Variants in MACROD2 observed in about 807,000 individuals in gnomAD.
MACROD2 encodes ADP-ribose glycohydrolase MACROD2.
Under a neutral mutation model 70.4 loss-of-function variants are expected in MACROD2, and 36 were observed. The observed-to-expected ratio is 0.51, with a 90% CI of 0.39 to 0.68. The LOEUF (loss-of-function observed/expected upper bound fraction) is 0.68. MACROD2 is among the 30% of genes least tolerant of loss of function. MACROD2 has a pLI of 0.00. For missense variants in MACROD2, 496 were observed against 538.4 expected (o/e 0.92, Z 0.78); for synonymous variants, 172 against 178.8 (o/e 0.96, Z 0.30).
intron 5 of MACROD2, among the ~76,000 whole-genome samples, chr20:15,191,978 T>G (rs2076574603): frequency 6.6e-6 from 1 of 151,952 alleles, no homozygotes; most frequent in African/African-American, 2.4e-5. Flanking sequence ...TATAGTTAAA[T>G]AAATTATATA....
In MACROD2 at chr20:14,657,456, A is replaced by G. The variant is rs368804388; in HGVS notation, c.302-27387A>G. 2.9e-4 allele frequency among the ~76,000 whole-genome samples: 44 copies of G among 152,360 alleles called. 1 individual carries two copies. In the South Asian group the frequency reaches 8.7e-3, roughly 30 times the overall value. On this transcript the variant is annotated intron_variant, in intron 4 of 17. Transcript: ENST00000684519. ...AGAGTGAAGCACTGCAGGGCTATGC[A>G]TGGAAAAATACCAGCCAGAACTGTT...
chr20:15,356,860 A>G (rs2078293144), intron 6 of MACROD2, among the ~76,000 whole-genome samples: 1 of 152,268 alleles, frequency 6.6e-6, no homozygotes, highest in Non-Finnish European at 1.5e-5. Flanking sequence ...GTAGCCAAAT[A>G]CTGTTAATTC....
At chr20:14,178,113 T>C (rs924727903) in intron 3 of MACROD2, among the ~76,000 whole-genome samples, 1 of 152,000 alleles carries the variant, frequency 6.6e-6, no homozygotes, top group African/African-American at 2.4e-5. Flanking sequence ...AAGGCTGATA[T>C]CTCTAATACA....
At position 15,822,227 on chromosome 20, in the gene MACROD2, C is replaced by CTTTG. The variant is rs199608129; in HGVS notation, c.646-40517_646-40516insTTGT. 2.6e-5 allele frequency among the ~76,000 whole-genome samples: 4 copies of CTTTG among 152,184 alleles called. No individual in the cohort carries two copies. The East Asian group carries it at 7.7e-4, about 29-fold the overall frequency. ...CAGGGAAAATAATCCAGCTTGAATC[C>CTTTG]TGGGATCTATTCTTGTACCTTTGTG... is the stretch of plus-strand genomic sequence containing the variant. On this transcript the variant is annotated intron_variant, in intron 8 of 17. Coordinates refer to ENST00000684519, the MANE Select transcript of MACROD2 (RefSeq NM_001351661.2).
In MACROD2 at chr20:15,045,901, C is replaced by T. The variant is rs143437019; in HGVS notation, c.419-184039C>T. Among the ~76,000 whole-genome samples the T allele has an allele frequency of 5.0e-3, 754 of 152,032 alleles. 11 individuals carry two copies. The highest frequency in any genetic ancestry group is 0.017 in the African/African-American group (717 of 41,490). On this transcript the variant is annotated intron_variant, in intron 5 of 17. Coordinates refer to ENST00000684519, the MANE Select transcript of MACROD2 (RefSeq NM_001351661.2). ...CCATCCGAACAGGAGAGCAGTATTT[C>T]TGAGGGTGTTCTGCTGGCTCGCCTC...
intron 6 of MACROD2, among the ~76,000 whole-genome samples, chr20:15,422,133 G>A (rs1489792340): frequency 2.6e-5 from 4 of 152,204 alleles, no homozygotes; most frequent in African/African-American, 7.2e-5. Context: ...CTAAGGAAGC[G>A]AGGATTGGAG....
intron 8 of MACROD2, among the ~76,000 whole-genome samples, chr20:15,804,187 T>C (rs190016857): frequency 6.6e-6 from 1 of 152,222 alleles, no homozygotes; most frequent in African/African-American, 2.4e-5. Context: ...CTTCTTAAAG[T>C]TGGCATTTGA....
At chr20:14,198,452 A>G (rs2081451821) in intron 3 of MACROD2, among the ~76,000 whole-genome samples, 1 of 152,236 alleles carries the variant, frequency 6.6e-6, no homozygotes, top group African/African-American at 2.4e-5. Flanking sequence ...TAATTTCTGT[A>G]TCAATCACTG....
chr20:14,936,171 A>C (rs567443547), intron 5 of MACROD2, among the ~76,000 whole-genome samples: 2 of 152,288 alleles, frequency 1.3e-5, no homozygotes, highest in Admixed American at 1.3e-4. Context: ...GCATGGAGAC[A>C]ATTGCAGGGA....
At chr20:14,748,576 A>G (rs2071829556) in intron 5 of MACROD2, among the ~76,000 whole-genome samples, 1 of 152,128 alleles carries the variant, frequency 6.6e-6, no homozygotes, top group Non-Finnish European at 1.5e-5. Context: ...GAGAAGATGT[A>G]GAGAACTGTT....
At chr20:15,530,716 C>CAAAAAA (rs57826871) in intron 8 of MACROD2, among the ~76,000 whole-genome samples, 28 of 90,434 alleles carry the variant, frequency 3.1e-4, no homozygotes, top group East Asian at 1.7e-3. Context: ...CTCCATCTCA[C>CAAAAAA]AAAAAAAAAA....
chr20:14,976,624 C>T (rs886392464), intron 5 of MACROD2, among the ~76,000 whole-genome samples: 1 of 152,114 alleles, frequency 6.6e-6, no homozygotes, highest in South Asian at 2.1e-4. Context: ...TACTTGGGGG[C>T]TATTTTTAGC....
intron 5 of MACROD2, among the ~76,000 whole-genome samples, chr20:14,940,810 G>T (rs2074383543): frequency 6.6e-6 from 1 of 152,022 alleles, no homozygotes; most frequent in Admixed American, 6.6e-5. Context: ...ATTCTGTTGA[G>T]AATTTTTGTA....
Position 14,290,728 on chromosome 20 carries a change from C to T in MACROD2, c.272-202751C>T, listed in dbSNP as rs566909463. On this transcript the variant is annotated intron_variant, in intron 3 of 17. Transcript: ENST00000684519. ...TTCTCCATGTTGGTCAGCCTGGTCT[C>T]GAACTCCCGACCTCAGTTGATCCAC... Among the ~76,000 whole-genome samples, 78 of 152,168 alleles carry T rather than the reference C, an allele frequency of 5.1e-4. 1 individual carries two copies. The highest frequency in any genetic ancestry group is 7.9e-4 in the Admixed American group (12 of 15,274).
intron 5 of MACROD2, among the ~76,000 whole-genome samples, chr20:14,909,077 G>A (rs2073994648): frequency 6.6e-6 from 1 of 152,140 alleles, no homozygotes; most frequent in Non-Finnish European, 1.5e-5. Context: ...TATAGAGATG[G>A]GAGATTTAAT....
rs146264507 is a variant in MACROD2 at position 14,387,254 on chromosome 20, C to T, written c.272-106225C>T. On this transcript the variant is annotated intron_variant, in intron 3 of 17. Transcript: ENST00000684519. ...TTGTAATTTTTTGTTGAGAACTGGA[C>T]ATTTTGAGTATCATAATGTAGTAAG... Among the ~76,000 whole-genome samples the T allele has an allele frequency of 7.9e-5, 12 of 152,280 alleles. No homozygotes were observed. The East Asian group carries it at 2.1e-3, about 27-fold the overall frequency.
At chr20:14,995,522 T>A (rs999590749) in intron 5 of MACROD2, among the ~76,000 whole-genome samples, 8 of 151,518 alleles carry the variant, frequency 5.3e-5, no homozygotes, top group Non-Finnish European at 7.4e-5. Flanking sequence ...CCAAAAAAAA[T>A]AAAATAAAAT....
chr20:15,390,588 A>G (rs2045779471), intron 6 of MACROD2, among the ~76,000 whole-genome samples: 1 of 152,164 alleles, frequency 6.6e-6, no homozygotes, highest in Non-Finnish European at 1.5e-5. Context: ...CGCTCCATGA[A>G]TTAAATGGAT....
intron 5 of MACROD2, among the ~76,000 whole-genome samples, chr20:15,153,466 G>A (rs1384097483): frequency 2.0e-5 from 3 of 152,116 alleles, no homozygotes; most frequent in African/African-American, 7.2e-5. Context: ...AGGTCACAGG[G>A]GATATGATGG....
Sources: allele counts gnomAD v4.1 joint callset (sites outside exome capture counted in the v4.1 genomes callset), GRCh38; gene constraint gnomAD v4.1.1; transcripts MANE v1.5; gene names NCBI Gene and HGNC (gene_info 2026-07-23, HGNC 2026-07-21).